SLC12A4: variants seen among roughly 807,000 people sequenced by gnomAD.
SLC12A4 encodes electroneutral potassium-chloride cotransporter 1.
Under a neutral mutation model 119.2 loss-of-function variants are expected in SLC12A4, and 84 were observed. The observed-to-expected ratio is 0.70, with a 90% CI of 0.59 to 0.85. SLC12A4 has a LOEUF of 0.85. Ranked by LOEUF, SLC12A4 falls within the 40% of genes least tolerant of loss-of-function variation. SLC12A4 has a pLI of 0.00. For synonymous variants in SLC12A4, 599 were observed against 604.6 expected (o/e 0.99, Z 0.14); for missense variants, 1,298 against 1,476.3 (o/e 0.88, Z 1.98).
Position 67,961,696 on chromosome 16 carries a change from T to C in SLC12A4, c.221A>G (p.Asp74Gly). 1 of 1,614,112 alleles carries C rather than the reference T, an allele frequency of 6.2e-7. No homozygotes were observed. The highest frequency in any genetic ancestry group is 8.5e-7 in the Non-Finnish European group (1 of 1,179,992). ...AAGAGACGATACCTTTGGGCGGATG[T>C]CCAGCTCTTCCTGCAAACAGAGCCA... is the stretch of plus-strand genomic sequence containing the variant. ...RNLALFEEEL[D>G]IRPKVSSLLG... The change falls in exon 3 of 24, where the codon GAC becomes GGC. Residue 74 changes from aspartate to glycine, a missense_variant. Physicochemically the swap from Asp to Gly is moderately conservative, Grantham distance 94 (BLOSUM62 -1). Transcript: ENST00000316341.
chr16:67,959,275 C>T (rs1271529456), intron 3 of SLC12A4, among the ~76,000 whole-genome samples: 1 of 152,196 alleles, frequency 6.6e-6, no homozygotes, highest in African/African-American at 2.4e-5. Flanking sequence ...AGAGTGCAGC[C>T]TCCGAAGTGT....
At chr16:67,964,084 A>G in intron 1 of SLC12A4, 2 of 1,532,376 alleles carry the variant, frequency 1.3e-6, no homozygotes, top group Non-Finnish European at 1.8e-6. Flanking sequence ...GGCGTCCTGC[A>G]GGGCAGCCCG....
At chr16:67,966,208 CAGTT>C (rs756095425) in intron 1 of SLC12A4, among the ~76,000 whole-genome samples, 1 of 152,208 alleles carries the variant, frequency 6.6e-6, no homozygotes, top group Non-Finnish European at 1.5e-5. Context: ...AGAAAAGGGA[CAGTT>C]AGTGCCAGAC....
rs2058305983 is a variant in SLC12A4 at position 67,943,525 on chromosome 16, C to CTGGGGGCA, written c.*1307_*1314dup. On this transcript the variant is annotated 3_prime_UTR_variant, in exon 24 of 24. Transcript: ENST00000316341. This position sits in a 1 kb window ranked among gnomAD's most constrained non-coding sequence, Gnocchi z 4.6. ...AAGTCCAAGGTGGGAACAGATAGGT[C>CTGGGGGCA]TGGGGGCATGGGGGCTGGGCCTAAT... 1 of 518,732 alleles carries CTGGGGGCA rather than the reference C, an allele frequency of 1.9e-6. No individual in the cohort carries two copies. Among genetic ancestry groups the CTGGGGGCA allele is most frequent in the Non-Finnish European group, 3.5e-6 (1 of 284,882 alleles). The allele number at this position is 518,732 out of a possible 1,614,324, so 32.1% of individuals were successfully genotyped here.
intron 5 of SLC12A4, among the ~76,000 whole-genome samples, chr16:67,956,833 C>CATAT (rs3842354): frequency 0.12 from 17,895 of 149,046 alleles, 1,103 homozygotes; most frequent in South Asian, 0.17. Flanking sequence ...CACACACACA[C>CATAT]ATATATATAT....
At position 67,949,527 on chromosome 16, in the gene SLC12A4, C is replaced by A; in HGVS notation, c.1748+273G>T. On this transcript the variant is annotated intron_variant, in intron 13 of 23. Coordinates refer to ENST00000316341, the MANE Select transcript of SLC12A4 (RefSeq NM_005072.5). The surrounding 1 kb of genome is among the most constrained non-coding windows in gnomAD (Gnocchi z 4.6). Reference sequence around the variant, plus strand: ...AGTGGCTTCATGGAGGCATGAGGGACGCGGTGGTTGCCCTGTCCAGTGGGA... The same window carrying A: ...AGTGGCTTCATGGAGGCATGAGGGAAGCGGTGGTTGCCCTGTCCAGTGGGA... 1 of 343,676 alleles carries A rather than the reference C, an allele frequency of 2.9e-6. No individual in the cohort carries two copies. Among genetic ancestry groups the A allele is most frequent in the South Asian group, 4.7e-5 (1 of 21,314 alleles). The allele number at this position is 343,676 out of a possible 1,614,324, so 21.3% of individuals were successfully genotyped here. A position where few individuals can be genotyped will look rare whatever the true frequency, so the allele number is the denominator to read the frequency against.
At chr16:67,947,958 T>A in intron 14 of SLC12A4, 103 bp downstream of exon 14, 7 of 1,481,120 alleles carry the variant, frequency 4.7e-6, no homozygotes, top group Non-Finnish European at 6.6e-6. Context: ...ATAATCTCCC[T>A]CCCCACAGTG....
Position 67,949,551 on chromosome 16 carries a change from G to A in SLC12A4, c.1748+249C>T, listed in dbSNP as rs938698454. 2.4e-5 allele frequency: 10 copies of A among 411,418 alleles called. No homozygotes were observed. The highest frequency in any genetic ancestry group is 3.9e-5 in the Non-Finnish European group (9 of 231,490). The allele number at this position is 411,418 out of a possible 1,614,324, so 25.5% of individuals were successfully genotyped here. On this transcript the variant is annotated intron_variant, in intron 13 of 23. Transcript: ENST00000316341. The surrounding 1 kb of genome is among the most constrained non-coding windows in gnomAD (Gnocchi z 4.6). The stretch of plus-strand genomic sequence containing the variant: ...ACGCGGTGGTTGCCCTGTCCAGTGG[G>A]AAGGTCTGCCGGCCACCTGCTCTGG...
In SLC12A4 at chr16:67,944,941, C is replaced by T. The variant is rs775968521; in HGVS notation, c.3167-10G>A. The stretch of plus-strand genomic sequence containing the variant: ...TCGAGGAACTCCATGTCTGCAGGGC[C>T]TCAAGTCAAGGAGGCAACAACAGAA... On this transcript the variant is annotated splice_polypyrimidine_tract_variant and intron_variant, in intron 23 of 23. Transcript: ENST00000316341. This position sits in a 1 kb window ranked among gnomAD's most constrained non-coding sequence, Gnocchi z 6.6. 3 of 1,613,238 alleles carry T rather than the reference C, an allele frequency of 1.9e-6. No individual in the cohort carries two copies. Among genetic ancestry groups the T allele is most frequent in the South Asian group, 1.1e-5 (1 of 91,086 alleles).
In SLC12A4 at chr16:67,946,921, T is replaced by A. The variant is rs1460407950; in HGVS notation, c.2241+16A>T. The A allele has an allele frequency of 6.2e-7, 1 of 1,609,892 alleles. No individual in the cohort carries two copies. Among genetic ancestry groups the A allele is most frequent in the Admixed American group, 1.7e-5 (1 of 59,916 alleles). On this transcript the variant is annotated intron_variant, in intron 17 of 23. Coordinates refer to ENST00000316341, the MANE Select transcript of SLC12A4 (RefSeq NM_005072.5). ...CCCTGTAGTCTGGCTCAGCTCTCCC[T>A]CCCCAAAGCAAGTACCTGCTCGGCG...
At chr16:67,965,312 C>CA (rs11383451) in intron 1 of SLC12A4, among the ~76,000 whole-genome samples, 50,240 of 151,920 alleles carry the variant, frequency 0.33, 11,482 homozygotes, top group African/African-American at 0.66. Flanking sequence ...ATTTTTGTGA[C>CA]AAAAAAAGTG....
intron 6 of SLC12A4, among the ~76,000 whole-genome samples, chr16:67,952,813 C>T (rs934468417): frequency 2.6e-5 from 4 of 151,188 alleles, no homozygotes; most frequent in African/African-American, 4.9e-5. Context: ...AATAGGTCAG[C>T]GCCGTGGCTC....
In SLC12A4 at chr16:67,948,211, C is replaced by G. The variant is rs773696734; in HGVS notation, c.1749-52G>C. ...GAGCAGCCTCCTCGGCAGCTGGGGA[C>G]CTGATGTCAGGCTGGGCCTGGCCCA... On this transcript the variant is annotated intron_variant, in intron 13 of 23. Transcript: ENST00000316341. 47 of 1,566,916 alleles carry G rather than the reference C, an allele frequency of 3.0e-5. 1 individual carries two copies. In the South Asian group the frequency reaches 5.2e-4, roughly 17 times the overall value.
chr16:67,946,492 A>G lies in SLC12A4; in HGVS notation c.2383T>C (p.Trp795Arg). The change falls in exon 18 of 24, where the codon TGG becomes CGG. Residue 795 changes from tryptophan to arginine, a missense_variant. By Grantham distance (101) the Trp-to-Arg change is moderately radical (BLOSUM62 -3). Transcript: ENST00000316341. ...TCGCTCTGTCGCCAGCCGTAGGGCC[A>G]GCCCAGCACCACGGAGTTATGCCGC... is the stretch of plus-strand genomic sequence containing the variant. The part of the protein sequence containing the change: ...GMRHNSVVLG[W>R]PYGWRQSEDP... The G allele has an allele frequency of 1.2e-6, 2 of 1,608,966 alleles. No individual in the cohort carries two copies. Among genetic ancestry groups the G allele is most frequent in the Non-Finnish European group, 1.7e-6 (2 of 1,179,978 alleles).
Position 67,944,090 on chromosome 16 carries a change from G to A in SLC12A4, c.*750C>T, listed in dbSNP as rs912256784. 9.7e-6 allele frequency: 15 copies of A among 1,547,676 alleles called. No individual in the cohort carries two copies. Among genetic ancestry groups the A allele is most frequent in the South Asian group, 3.6e-5 (3 of 83,894 alleles). ...GCGTCACCCACTGCCATGGGGAGCC[G>A]GGCGGCCCCATTCCAGCCCTGGTGC... On this transcript the variant is annotated 3_prime_UTR_variant, in exon 24 of 24. Transcript: ENST00000316341. This position sits in a 1 kb window ranked among gnomAD's most constrained non-coding sequence, Gnocchi z 6.6.
rs774211425 is a variant in SLC12A4, at chr16:67,952,251, C to G, written c.850G>C (p.Val284Leu). Residue 284 changes from valine to leucine, a missense_variant, in exon 7 of 24, where the codon GTG (valine) becomes CTG (leucine). By Grantham distance (32) the Val-to-Leu change is conservative (BLOSUM62 1). Coordinates refer to ENST00000316341, the MANE Select transcript of SLC12A4 (RefSeq NM_005072.5). The stretch of plus-strand genomic sequence containing the variant: ...TAGATGGAGAGGATGGAGATGATCA[C>G]ACAGGCCAGGAAGAGCGAGGCAAAT... ...NKFASLFLAC[V>L]IISILSIYAG... 1 of 1,614,154 alleles carries G rather than the reference C, an allele frequency of 6.2e-7. No homozygotes were observed.
intron 13 of SLC12A4, among the ~76,000 whole-genome samples, chr16:67,948,989 A>G (rs2058383117): frequency 6.6e-6 from 1 of 152,144 alleles, no homozygotes. Flanking sequence ...AGCAAGAAGG[A>G]GCGTCAGCCA....
chr16:67,947,383 G>C lies in SLC12A4; in HGVS notation c.2020C>G (p.Arg674Gly). ...TCCTCCAGCCGCAACAGCGCGTAGCGGGCAGCGCTCAGGGACAGGCCTCGG... is the reference window on the plus strand; with the variant it reads ...TCCTCCAGCCGCAACAGCGCGTAGCCGGCAGCGCTCAGGGACAGGCCTCGG... Reference protein sequence around the residue: ...GIRGLSLSAARYALLRLEEGP... With the variant: ...GIRGLSLSAAGYALLRLEEGP... The change falls in exon 16 of 24, where the codon CGC becomes GGC. Residue 674 changes from arginine to glycine, a missense_variant. By Grantham distance (125) the Arg-to-Gly change is moderately radical. Transcript: ENST00000316341. The C allele has an allele frequency of 6.2e-7, 1 of 1,612,842 alleles. No homozygotes were observed.
chr16:67,963,695 C>A lies in SLC12A4; in HGVS notation c.116-136G>T, dbSNP rs935162650. On this transcript the variant is annotated intron_variant, in intron 1 of 23. Coordinates refer to ENST00000316341, the MANE Select transcript of SLC12A4 (RefSeq NM_005072.5). ...TGTCACCAGGTTGCAACTCAGTTTT[C>A]ACATGGCACCGTGCCAATGCTCTTG... is the stretch of plus-strand genomic sequence containing the variant. 9.6e-6 allele frequency: 8 copies of A among 832,466 alleles called. No individual in the cohort carries two copies. In the African/African-American group the frequency reaches 1.4e-4, roughly 14 times the overall value. 51.6% of individuals were successfully genotyped at this position (832,466 alleles called of 1,614,324 possible).
Sources: allele counts gnomAD v4.1 joint callset (sites outside exome capture counted in the v4.1 genomes callset), GRCh38; gene constraint gnomAD v4.1.1; non-coding constraint Gnocchi (gnomAD v3.1); transcripts MANE v1.5; gene names NCBI Gene and HGNC (gene_info 2026-07-23, HGNC 2026-07-21).